Variants in ALG5 observed in about 807,000 individuals in gnomAD.
The protein encoded by ALG5 is dolichyl-phosphate beta-glucosyltransferase.
ALG5 carries 26 observed loss-of-function variants against 51.8 expected under a neutral mutation model. The ratio of observed to expected loss-of-function variants is 0.50; its 90% CI spans 0.37 to 0.70. ALG5 has a LOEUF of 0.70. Ranked by LOEUF, ALG5 falls within the 30% of genes least tolerant of loss-of-function variation. The probability of loss-of-function intolerance (pLI) is 0.00; values close to 1 mark genes in which losing one functional copy is unlikely to be tolerated. For synonymous variants in ALG5, 141 were observed against 136.1 expected (o/e 1.04, Z -0.25); for missense variants, 311 against 399.3 (o/e 0.78, Z 1.88).
chr13:36,971,660 A>C (rs1306630394), intron 7 of ALG5, among the ~76,000 whole-genome samples: 1 of 151,578 alleles, frequency 6.6e-6, no homozygotes, highest in African/African-American at 2.4e-5. Flanking sequence ...AAAAAAAAAA[A>C]AAAAAAAAAA....
At chr13:36,955,285 T>C (rs181804587) in intron 8 of ALG5, among the ~76,000 whole-genome samples, 9 of 152,332 alleles carry the variant, frequency 5.9e-5, no homozygotes, top group Non-Finnish European at 1.2e-4. Context: ...TCAGAGGCTC[T>C]GCGCATGGAC....
At chr13:36,974,985 G>C (rs985459121) in intron 6 of ALG5, among the ~76,000 whole-genome samples, 3 of 152,166 alleles carry the variant, frequency 2.0e-5, no homozygotes, top group Non-Finnish European at 4.4e-5. Context: ...GGCCGAGGCA[G>C]GCACATCACA....
intron 7 of ALG5, among the ~76,000 whole-genome samples, chr13:36,966,242 G>A (rs1373753355): frequency 6.6e-6 from 1 of 152,140 alleles, no homozygotes; most frequent in Non-Finnish European, 1.5e-5. Context: ...CAAACACCTG[G>A]TCTTTCTAAG....
intron 6 of ALG5, among the ~76,000 whole-genome samples, chr13:36,977,916 T>C (rs1405682204): frequency 6.9e-6 from 1 of 144,962 alleles, no homozygotes; most frequent in Non-Finnish European, 1.5e-5. Context: ...TAATGGAATC[T>C]CACTCTGTTG....
intron 4 of ALG5, 82 bp downstream of exon 4, chr13:36,993,522 G>C: frequency 8.6e-7 from 1 of 1,169,174 alleles, no homozygotes. Context: ...GGGTCCCCTG[G>C]TGAATGAAAG....
At chr13:36,964,172 C>T (rs559456662) in intron 8 of ALG5, among the ~76,000 whole-genome samples, 13 of 152,094 alleles carry the variant, frequency 8.5e-5, no homozygotes, top group African/African-American at 3.1e-4. Flanking sequence ...GGCAGGCTAC[C>T]CTAAGGAAGA....
chr13:36,955,678 G>C lies in ALG5; in HGVS notation c.774-3079C>G, dbSNP rs1431961805. Among the ~76,000 whole-genome samples the C allele has an allele frequency of 4.5e-5, 3 of 66,954 alleles. No homozygotes were observed. The East Asian group carries it at 1.4e-3, about 32-fold the overall frequency. 43.9% of individuals were successfully genotyped at this position (66,954 alleles called of 152,430 possible). On this transcript the variant is annotated intron_variant, in intron 8 of 9. Coordinates refer to ENST00000239891, the MANE Select transcript of ALG5 (RefSeq NM_013338.5). ...TGTAAGAGAGCAGAGAAAATGAACA[G>C]AGATTGTGAAAAAAAAAAAAAAAAA...
chr13:36,963,165 G>A (rs2138788593), intron 8 of ALG5, among the ~76,000 whole-genome samples: 1 of 152,134 alleles, frequency 6.6e-6, no homozygotes, highest in Admixed American at 6.5e-5. Context: ...TTTCCAGGGT[G>A]GTCTTTAACT....
intron 6 of ALG5, among the ~76,000 whole-genome samples, chr13:36,972,546 A>G (rs1273512420): frequency 3.3e-5 from 5 of 152,194 alleles, no homozygotes; most frequent in African/African-American, 1.2e-4. Flanking sequence ...ATAAAAATGA[A>G]AAATCTAGAA....
At position 36,983,307 on chromosome 13, in the gene ALG5, T is replaced by G. The variant is rs894319408; in HGVS notation, c.561+2320A>C. ...ATCAGGAAATCACACCAAGTAACTT[T>G]ATGAATGAGATTTTCCTTTTAGCCT... On this transcript the variant is annotated intron_variant, in intron 6 of 9. Coordinates refer to ENST00000239891, the MANE Select transcript of ALG5 (RefSeq NM_013338.5). Among the ~76,000 whole-genome samples the G allele has an allele frequency of 2.8e-4, 42 of 152,366 alleles. 1 individual carries two copies. Among genetic ancestry groups the G allele is most frequent in the South Asian group, 4.1e-4 (2 of 4,834 alleles).
intron 8 of ALG5, among the ~76,000 whole-genome samples, chr13:36,954,572 CATATT>C (rs1201590132): frequency 2.0e-5 from 3 of 152,162 alleles, no homozygotes; most frequent in African/African-American, 4.8e-5. Flanking sequence ...CTCATATCAT[CATATT>C]ATAAGTGCCC....
intron 8 of ALG5, among the ~76,000 whole-genome samples, chr13:36,956,284 T>C (rs2058839360): frequency 6.6e-6 from 1 of 152,080 alleles, no homozygotes; most frequent in Non-Finnish European, 1.5e-5. Context: ...GAAATGCAAA[T>C]TAAAGCCCCT....
At chr13:36,992,378 T>C (rs987145653) in intron 4 of ALG5, among the ~76,000 whole-genome samples, 1 of 152,218 alleles carries the variant, frequency 6.6e-6, no homozygotes, top group African/African-American at 2.4e-5. Context: ...AATGGCACAA[T>C]ACTTGAGACT....
intron 6 of ALG5, among the ~76,000 whole-genome samples, chr13:36,977,620 C>T (rs977761145): frequency 1.3e-5 from 2 of 151,508 alleles, no homozygotes; most frequent in Non-Finnish European, 2.9e-5. Flanking sequence ...GGTGAAACCC[C>T]GTCTCTACTA....
At chr13:36,984,584 T>C (rs1257867783) in intron 6 of ALG5, among the ~76,000 whole-genome samples, 1 of 152,248 alleles carries the variant, frequency 6.6e-6, no homozygotes, top group Non-Finnish European at 1.5e-5. Context: ...TGTAATTATA[T>C]GTTGGTGTGA....
intron 8 of ALG5, among the ~76,000 whole-genome samples, chr13:36,960,535 CA>C (rs1400927982): frequency 3.3e-5 from 5 of 152,094 alleles, no homozygotes; most frequent in African/African-American, 4.8e-5. Context: ...ATTATTGAGA[CA>C]GGGTCTCGTT....
intron 6 of ALG5, among the ~76,000 whole-genome samples, chr13:36,976,284 A>G (rs1265391706): frequency 2.0e-5 from 3 of 151,230 alleles, no homozygotes; most frequent in Non-Finnish European, 2.9e-5. Context: ...AAAACTAGCC[A>G]GGAGTGGTGG....
intron 5 of ALG5, among the ~76,000 whole-genome samples, chr13:36,988,701 T>G (rs2059012513): frequency 1.3e-5 from 2 of 150,632 alleles, no homozygotes; most frequent in South Asian, 4.1e-4. Flanking sequence ...ATGATTTGTA[T>G]CCTGACCATT....
At chr13:36,985,927 T>A (rs1466054957) in intron 5 of ALG5, among the ~76,000 whole-genome samples, 187 bp from the exon 6 acceptor site, 1 of 152,230 alleles carries the variant, frequency 6.6e-6, no homozygotes, top group African/African-American at 2.4e-5. Flanking sequence ...ACCTATTGCC[T>A]ATCTTCATTA....
Sources: allele counts gnomAD v4.1 joint callset (sites outside exome capture counted in the v4.1 genomes callset), GRCh38; gene constraint gnomAD v4.1.1; transcripts MANE v1.5; gene names NCBI Gene and HGNC (gene_info 2026-07-23, HGNC 2026-07-21).